Variants in CDH12 observed in about 807,000 individuals in gnomAD.
CDH12 encodes the protein cadherin 12, also known as cadherin-12.
A neutral mutation model predicts 74.1 loss-of-function variants in CDH12; 41 were observed. The ratio of observed to expected loss-of-function variants is 0.55; its 90% CI spans 0.43 to 0.72. The LOEUF is 0.72. Ranked by LOEUF, CDH12 falls within the 30% of genes least tolerant of loss-of-function variation. The pLI is 0.00. For missense variants in CDH12, 945 were observed against 977.2 expected (o/e 0.97, Z 0.44); for synonymous variants, 399 against 355.0 (o/e 1.12, Z -1.39).
At chr5:22,162,836 T>C (rs2150320434) in intron 4 of CDH12, among the ~76,000 whole-genome samples, 1 of 151,928 alleles carries the variant, frequency 6.6e-6, no homozygotes, top group Admixed American at 6.5e-5. Flanking sequence ...ATACACCCTA[T>C]TATGCAGGCT....
Position 22,850,818 on chromosome 5 carries a change from G to C in CDH12, c.-523+2240C>G, listed in dbSNP as rs186176418. On this transcript the variant is annotated intron_variant, in intron 1 of 14. Transcript: ENST00000382254. Reference sequence around the variant, plus strand: ...ATTTTATATTTTTACATGAAAACATGGCTCACTTTTAAAGACAGCCATCAC... The same window carrying C: ...ATTTTATATTTTTACATGAAAACATCGCTCACTTTTAAAGACAGCCATCAC... 2.8e-3 allele frequency among the ~76,000 whole-genome samples: 421 copies of C among 152,078 alleles called. 4 individuals carry two copies. Among genetic ancestry groups the C allele is most frequent in the Non-Finnish European group, 1.5e-3 (105 of 67,934 alleles).
At chr5:22,847,416 G>T (rs938447416) in intron 1 of CDH12, among the ~76,000 whole-genome samples, 3 of 152,062 alleles carry the variant, frequency 2.0e-5, no homozygotes, top group African/African-American at 7.2e-5. Context: ...CTTCATTTGG[G>T]TATATTGTTA....
intron 3 of CDH12, among the ~76,000 whole-genome samples, chr5:22,361,688 G>T (rs1054236755): frequency 1.3e-5 from 2 of 152,096 alleles, no homozygotes; most frequent in East Asian, 3.9e-4. Flanking sequence ...TATACTACAA[G>T]GCTACAGTAA....
intron 4 of CDH12, among the ~76,000 whole-genome samples, chr5:22,101,413 T>C (rs1674508713): frequency 6.6e-6 from 1 of 152,206 alleles, no homozygotes; most frequent in African/African-American, 2.4e-5. Context: ...TTTTTCTTCT[T>C]CTTCTTTCTT....
intron 4 of CDH12, among the ~76,000 whole-genome samples, chr5:22,160,044 C>G (rs1443383441): frequency 6.6e-6 from 1 of 152,062 alleles, no homozygotes; most frequent in African/African-American, 2.4e-5. Context: ...ATTAGAAAAA[C>G]TTCACCTATC....
intron 6 of CDH12, among the ~76,000 whole-genome samples, chr5:21,907,419 G>A (rs967674462): frequency 6.6e-6 from 1 of 152,164 alleles, no homozygotes; most frequent in Non-Finnish European, 1.5e-5. Context: ...TGCAAAGCAA[G>A]CACATAAAAT....
At chr5:22,511,146 C>T (rs1209036500) in intron 1 of CDH12, among the ~76,000 whole-genome samples, 24 of 152,200 alleles carry the variant, frequency 1.6e-4, no homozygotes, top group Admixed American at 9.8e-4. Flanking sequence ...CTACCTGCCT[C>T]GGCCTCCCAA....
chr5:22,062,431 A>G (rs1741256645), intron 5 of CDH12, among the ~76,000 whole-genome samples: 1 of 152,130 alleles, frequency 6.6e-6, no homozygotes, highest in Admixed American at 6.6e-5. Flanking sequence ...AGATAGCCTC[A>G]TGTACTGAGA....
At chr5:21,926,249 C>T (rs1436674833) in intron 6 of CDH12, among the ~76,000 whole-genome samples, 1 of 152,168 alleles carries the variant, frequency 6.6e-6, no homozygotes, top group Non-Finnish European at 1.5e-5. Context: ...CCCTGGGAAT[C>T]AGACTGTCCT....
At chr5:22,594,354 C>A (rs925498141) in intron 1 of CDH12, among the ~76,000 whole-genome samples, 1 of 152,134 alleles carries the variant, frequency 6.6e-6, no homozygotes, top group African/African-American at 2.4e-5. Context: ...AATGGCAGTG[C>A]CTCCTCTATC....
At chr5:21,784,332 T>C (rs1288330176) in intron 10 of CDH12, among the ~76,000 whole-genome samples, 1 of 152,118 alleles carries the variant, frequency 6.6e-6, no homozygotes, top group Admixed American at 6.6e-5. Flanking sequence ...TTTTTAAATA[T>C]GACAATTTGA....
chr5:22,695,008 G>A (rs543074700), intron 1 of CDH12, among the ~76,000 whole-genome samples: 4 of 151,738 alleles, frequency 2.6e-5, no homozygotes, highest in East Asian at 1.9e-4. Context: ...ACCCACCGAC[G>A]GTCCTGGTGT....
chr5:22,107,133 CTTTTT>C (rs562097009), intron 4 of CDH12, among the ~76,000 whole-genome samples: 2 of 138,920 alleles, frequency 1.4e-5, no homozygotes, highest in East Asian at 2.1e-4. Context: ...CACATTTCTA[CTTTTT>C]TTTTTTTTTT....
intron 3 of CDH12, among the ~76,000 whole-genome samples, chr5:22,280,167 A>G (rs1308212811): frequency 6.6e-6 from 1 of 152,110 alleles, no homozygotes; most frequent in Non-Finnish European, 1.5e-5. Flanking sequence ...TGGCTGCATA[A>G]ATGTCTTCTT....
chr5:22,363,099 A>G (rs1740888986), intron 3 of CDH12, among the ~76,000 whole-genome samples: 1 of 152,138 alleles, frequency 6.6e-6, no homozygotes, highest in Non-Finnish European at 1.5e-5. Flanking sequence ...AATTTATTAT[A>G]CTACAGAAAT....
chr5:22,386,932 A>G (rs1406689163), intron 3 of CDH12, among the ~76,000 whole-genome samples: 1 of 152,042 alleles, frequency 6.6e-6, no homozygotes, highest in East Asian at 1.9e-4. Flanking sequence ...TACTTAATTT[A>G]TAATATACAC....
rs1391941842 is a variant in CDH12, at chr5:22,098,501, CT to C, written c.-186-19640del. On this transcript the variant is annotated intron_variant, in intron 4 of 14. Transcript: ENST00000382254. The stretch of plus-strand genomic sequence containing the variant: ...TGTTTGCGTGCAGCAGCTGCCGCTG[CT>C]TTAATACTTTTAGAGGCCCTAAAAA... Among the ~76,000 whole-genome samples, 95 of 152,274 alleles carry C rather than the reference CT, an allele frequency of 6.2e-4. 1 individual carries two copies. The highest frequency in any genetic ancestry group is 2.2e-3 in the African/African-American group (91 of 41,540).
At chr5:21,983,871 C>A (rs978416846) in intron 5 of CDH12, among the ~76,000 whole-genome samples, 1 of 151,972 alleles carries the variant, frequency 6.6e-6, no homozygotes, top group South Asian at 2.1e-4. Flanking sequence ...ACACATATAC[C>A]GCAGATACAT....
In CDH12 at chr5:21,795,490, A is replaced by T. The variant is rs181123499; in HGVS notation, c.1256+6677T>A. On this transcript the variant is annotated intron_variant, in intron 10 of 14. Coordinates refer to ENST00000382254, the MANE Select transcript of CDH12 (RefSeq NM_004061.5). ...ATCCACTTGCGCTAGGCAATATTTTAGGTGTGTGGGATCTATCAATAAAAA... is the reference window on the plus strand; with the variant it reads ...ATCCACTTGCGCTAGGCAATATTTTTGGTGTGTGGGATCTATCAATAAAAA... Among the ~76,000 whole-genome samples the T allele has an allele frequency of 5.7e-4, 86 of 151,984 alleles. 1 individual carries two copies. The highest frequency in any genetic ancestry group is 5.1e-3 in the Admixed American group (78 of 15,224).
Sources: allele counts gnomAD v4.1 joint callset (sites outside exome capture counted in the v4.1 genomes callset), GRCh38; gene constraint gnomAD v4.1.1; transcripts MANE v1.5; gene names NCBI Gene and HGNC (gene_info 2026-07-23, HGNC 2026-07-21).